ARPC3: variants seen among roughly 807,000 people sequenced by gnomAD.
The protein encoded by ARPC3 is actin-related protein 2/3 complex subunit 3.
Under a neutral mutation model 27.6 loss-of-function variants are expected in ARPC3, and 12 were observed. The ratio of observed to expected loss-of-function variants is 0.43; its 90% CI spans 0.28 to 0.70. The LOEUF is 0.70. Ranked by LOEUF, ARPC3 falls within the 30% of genes least tolerant of loss-of-function variation. The probability of loss-of-function intolerance (pLI) is 0.17; values close to 1 mark genes in which losing one functional copy is unlikely to be tolerated. For synonymous variants in ARPC3, 53 were observed against 67.2 expected (o/e 0.79, Z 1.03); for missense variants, 153 against 207.7 (o/e 0.74, Z 1.62).
chr12:110,442,048 G>GT (rs909859074), intron 2 of ARPC3, among the ~76,000 whole-genome samples: 20 of 147,090 alleles, frequency 1.4e-4, no homozygotes, highest in Admixed American at 8.3e-4. Context: ...AAAAAAAAAA[G>GT]TTTTTTTTAG....
chr12:110,447,374 C>G (rs116222998), intron 1 of ARPC3, among the ~76,000 whole-genome samples: 333 of 152,272 alleles, frequency 2.2e-3, no homozygotes, highest in African/African-American at 7.7e-3. Context: ...TTCATTCATT[C>G]ATCAAATGAT....
At chr12:110,435,822 C>G (rs2062400641) in intron 6 of ARPC3, among the ~76,000 whole-genome samples, 1 of 151,890 alleles carries the variant, frequency 6.6e-6, no homozygotes, top group African/African-American at 2.4e-5. Context: ...ATGGGGGTTT[C>G]ACCATGTTGG....
At chr12:110,440,206 T>C in intron 3 of ARPC3, 106 bp downstream of exon 3, 1 of 793,862 alleles carries the variant, frequency 1.3e-6, no homozygotes, top group Non-Finnish European at 2.2e-6. Context: ...ATTTAAAAAT[T>C]ACATGCTGAT....
At chr12:110,448,839 G>A (rs144256132) in intron 1 of ARPC3, among the ~76,000 whole-genome samples, 44 of 144,106 alleles carry the variant, frequency 3.1e-4, no homozygotes, top group Non-Finnish European at 4.8e-4. Flanking sequence ...GCAGTGGCAC[G>A]GTCTCGGCTC....
chr12:110,447,807 AAAAC>A (rs879868503), intron 1 of ARPC3, among the ~76,000 whole-genome samples: 2 of 151,890 alleles, frequency 1.3e-5, no homozygotes, highest in Non-Finnish European at 2.9e-5. Flanking sequence ...TCCCCCCAAA[AAAAC>A]AAACAAACAA....
intron 1 of ARPC3, among the ~76,000 whole-genome samples, chr12:110,447,975 T>C (rs1418359836): frequency 7.0e-6 from 1 of 143,552 alleles, no homozygotes; most frequent in Non-Finnish European, 1.5e-5. Context: ...CTCAAACTCC[T>C]GGCTCCAGGT....
chr12:110,437,832 C>T (rs1465144158), intron 3 of ARPC3, among the ~76,000 whole-genome samples: 1 of 152,162 alleles, frequency 6.6e-6, no homozygotes, highest in African/African-American at 2.4e-5. Flanking sequence ...CCTTCAGGGT[C>T]TCTGCCGAGA....
At chr12:110,441,562 GCT>G (rs1167956941) in intron 2 of ARPC3, among the ~76,000 whole-genome samples, 1 of 152,020 alleles carries the variant, frequency 6.6e-6, no homozygotes, top group African/African-American at 2.4e-5. Context: ...GAGAGGTCTT[GCT>G]CTGTTACCCG....
chr12:110,441,475 C>A (rs1187491499), intron 2 of ARPC3, among the ~76,000 whole-genome samples: 2 of 152,108 alleles, frequency 1.3e-5, no homozygotes, highest in Non-Finnish European at 2.9e-5. Context: ...TTTATTTTTA[C>A]AGCTTTATTG....
At position 110,436,709 on chromosome 12, in the gene ARPC3, T is replaced by TACAC. The variant is rs777146647; in HGVS notation, c.253-27_253-26insGTGT. On this transcript the variant is annotated intron_variant, in intron 4 of 6. Transcript: ENST00000228825. ...CTGGAAAAAAAAATATATATATATA[T>TACAC]ATACACACACACACACACACACACA... The TACAC allele has an allele frequency of 8.6e-4, 469 of 546,160 alleles. 2 individuals are homozygous for TACAC. In the African/African-American group the frequency reaches 8.7e-3, roughly 10 times the overall value. The allele number at this position is 546,160 out of a possible 1,614,324, so 33.8% of individuals were successfully genotyped here.
intron 1 of ARPC3, among the ~76,000 whole-genome samples, chr12:110,446,046 T>A (rs1449986896): frequency 1.3e-5 from 2 of 148,946 alleles, no homozygotes; most frequent in Non-Finnish European, 3.0e-5. Flanking sequence ...AAGGCTGCAG[T>A]GAGCCGAGAT....
rs143411073 is a variant in ARPC3, at chr12:110,445,828, A to G, written c.7-277T>C. Reference sequence around the variant, plus strand: ...CAATTAAGTAAATGATGTTGGCTGGACGTGGTGGCTCATGCCTGTAATCCC... The same window carrying G: ...CAATTAAGTAAATGATGTTGGCTGGGCGTGGTGGCTCATGCCTGTAATCCC... On this transcript the variant is annotated intron_variant, in intron 1 of 6. Transcript: ENST00000228825. 6.9e-3 allele frequency among the ~76,000 whole-genome samples: 1,045 copies of G among 152,300 alleles called. 1 individual carries two copies. The highest frequency in any genetic ancestry group is 9.4e-3 in the Non-Finnish European group (639 of 68,016).
chr12:110,437,503 G>A (rs2062413049), intron 3 of ARPC3, among the ~76,000 whole-genome samples: 1 of 152,116 alleles, frequency 6.6e-6, no homozygotes, highest in Non-Finnish European at 1.5e-5. Flanking sequence ...GAGTAGCTGG[G>A]ATTACAGGTG....
intron 2 of ARPC3, among the ~76,000 whole-genome samples, chr12:110,443,740 G>A (rs951646413): frequency 6.6e-6 from 1 of 152,076 alleles, no homozygotes; most frequent in African/African-American, 2.4e-5. Flanking sequence ...GCTGCAATCT[G>A]TTTTCTTATC....
Position 110,436,711 on chromosome 12 carries a change from TACACACACACACACACACACACAC to T in ARPC3, c.253-52_253-29del, listed in dbSNP as rs375877607. 47 of 382,264 alleles carry T rather than the reference TACACACACACACACACACACACAC, an allele frequency of 1.2e-4. 1 individual carries two copies. Among genetic ancestry groups the T allele is most frequent in the Middle Eastern group, 7.6e-4 (1 of 1,314 alleles). The allele number at this position is 382,264 out of a possible 1,614,324, so 23.7% of individuals were successfully genotyped here. ...GGAAAAAAAAATATATATATATATA[TACACACACACACACACACACACAC>T]ACACACACACACACACACATATTTT... On this transcript the variant is annotated intron_variant, in intron 4 of 6. Transcript: ENST00000228825.
chr12:110,448,845 G>C (rs556551694), intron 1 of ARPC3, among the ~76,000 whole-genome samples: 2 of 144,160 alleles, frequency 1.4e-5, no homozygotes, highest in Non-Finnish European at 3.0e-5. Context: ...GCACGGTCTC[G>C]GCTCACTGCA....
chr12:110,443,378 A>G (rs1162637709), intron 2 of ARPC3, among the ~76,000 whole-genome samples: 2 of 152,006 alleles, frequency 1.3e-5, no homozygotes, highest in African/African-American at 2.4e-5. Context: ...TTGGCCTCCC[A>G]AAGTGCTAAA....
chr12:110,449,065 C>T (rs1278917435), intron 1 of ARPC3, among the ~76,000 whole-genome samples: 1 of 151,726 alleles, frequency 6.6e-6, no homozygotes, highest in Non-Finnish European at 1.5e-5. Context: ...TGAGCCACTG[C>T]GCCTGACCAC....
chr12:110,449,308 A>T (rs1042554995), intron 1 of ARPC3, among the ~76,000 whole-genome samples: 1 of 151,834 alleles, frequency 6.6e-6, no homozygotes, highest in East Asian at 2.0e-4. Flanking sequence ...CACGCTTATA[A>T]TCCCAGCACT....
Sources: gnomAD v4.1 joint callset for allele counts (sites outside exome capture counted in the v4.1 genomes callset) on GRCh38, gnomAD v4.1.1 for gene constraint, MANE v1.5 for transcripts, NCBI Gene and HGNC (gene_info 2026-07-23, HGNC 2026-07-21) for gene names.